The following KIF13B variants were observed in gnomAD, a reference collection of about 807,000 sequenced individuals.
KIF13B encodes the protein kinesin-like protein KIF13B.
In KIF13B, 127 loss-of-function variants were observed where a neutral mutation model predicts 222.0. The observed-to-expected ratio is 0.57, with a 90% CI of 0.50 to 0.66. The LOEUF is 0.66. Ranked by LOEUF, KIF13B falls within the 30% of genes least tolerant of loss-of-function variation. The pLI is 0.00. For missense variants in KIF13B, 2,173 were observed against 2,379.0 expected (o/e 0.91, Z 1.80); for synonymous variants, 976 against 919.0 (o/e 1.06, Z -1.12).
At chr8:29,102,221 C>A (rs903757937) in intron 35 of KIF13B, among the ~76,000 whole-genome samples, 1 of 152,164 alleles carries the variant, frequency 6.6e-6, no homozygotes. Flanking sequence ...CAGGTCTAAA[C>A]GTGAAAGAGT....
At chr8:29,092,597 G>A in intron 37 of KIF13B, 148 bp downstream of exon 37, 2 of 738,556 alleles carry the variant, frequency 2.7e-6, no homozygotes, top group Non-Finnish European at 4.3e-6. Flanking sequence ...GAAGAGAGTG[G>A]CGGAGAAAAG....
At chr8:29,096,784 G>GCCAA (rs1464151605) in intron 36 of KIF13B, among the ~76,000 whole-genome samples, 1 of 152,004 alleles carries the variant, frequency 6.6e-6, no homozygotes, top group Non-Finnish European at 1.5e-5. Flanking sequence ...AGTTAAGGAT[G>GCCAA]CCAAGTAGGG....
intron 2 of KIF13B, chr8:29,218,826 CAA>C (rs1383493381): frequency 2.0e-5 from 3 of 152,240 alleles, no homozygotes; most frequent in Non-Finnish European, 4.4e-5. Flanking sequence ...GCCCTGCACT[CAA>C]GAGACAGCAC....
At chr8:29,130,302 A>G (rs961364383) in intron 24 of KIF13B, among the ~76,000 whole-genome samples, 1 of 152,226 alleles carries the variant, frequency 6.6e-6, no homozygotes, top group Admixed American at 6.5e-5. Context: ...GCTTGAGCCT[A>G]GGAGTTCAAG....
At chr8:29,178,194 C>A (rs911720931) in intron 8 of KIF13B, among the ~76,000 whole-genome samples, 3 of 151,996 alleles carry the variant, frequency 2.0e-5, no homozygotes, top group Non-Finnish European at 2.9e-5. Flanking sequence ...TTATAAGACT[C>A]AAATTTTATT....
chr8:29,203,909 A>AAAAAAGAT (rs1311162039), intron 2 of KIF13B, among the ~76,000 whole-genome samples: 74 of 151,260 alleles, frequency 4.9e-4, no homozygotes, highest in African/African-American at 1.7e-3. Flanking sequence ...AAAAAAAAAA[A>AAAAAAGAT]AAAAAGATAG....
At chr8:29,081,167 G>C (rs1205894563) in intron 37 of KIF13B, among the ~76,000 whole-genome samples, 1 of 152,106 alleles carries the variant, frequency 6.6e-6, no homozygotes, top group East Asian at 1.9e-4. Context: ...CTTAATCACT[G>C]TCAGTGAAAT....
At chr8:29,228,466 T>TAAAAAAAAAA (rs71551621) in intron 2 of KIF13B, among the ~76,000 whole-genome samples, 13 of 68,252 alleles carry the variant, frequency 1.9e-4, no homozygotes, top group Non-Finnish European at 3.3e-4. Context: ...GACTCCATCT[T>TAAAAAAAAAA]AAAAAAATAT....
chr8:29,137,035 T>A (rs546383631), intron 21 of KIF13B, among the ~76,000 whole-genome samples: 1 of 151,854 alleles, frequency 6.6e-6, no homozygotes, highest in African/African-American at 2.4e-5. Flanking sequence ...CTCCTGACCT[T>A]GTGATCCGCC....
chr8:29,182,837 T>C (rs1268419432), intron 6 of KIF13B, among the ~76,000 whole-genome samples: 1 of 152,088 alleles, frequency 6.6e-6, no homozygotes, highest in Non-Finnish European at 1.5e-5. Flanking sequence ...AGCAACATAA[T>C]GTGTATTTCA....
intron 16 of KIF13B, 94 bp downstream of exon 16, chr8:29,148,483 C>A: frequency 1.2e-6 from 1 of 823,322 alleles, no homozygotes; most frequent in South Asian, 2.4e-5. Context: ...AGTCTCAGCT[C>A]ACTGCAGCCT....
chr8:29,209,202 A>G (rs908727338), intron 2 of KIF13B, among the ~76,000 whole-genome samples: 28 of 152,182 alleles, frequency 1.8e-4, no homozygotes. Flanking sequence ...GGAAAACCAG[A>G]TGAGAGGCAC....
chr8:29,126,759 G>T (rs751569616), intron 25 of KIF13B, among the ~76,000 whole-genome samples: 34 of 152,138 alleles, frequency 2.2e-4, no homozygotes, highest in Non-Finnish European at 4.3e-4. Flanking sequence ...TCCCTGCTGG[G>T]TTTATAGTCC....
chr8:29,075,374 G>A (rs374821262), intron 37 of KIF13B, 31 bp from the exon 38 acceptor site: 140 of 1,545,878 alleles, frequency 9.1e-5, no homozygotes, highest in Non-Finnish European at 1.2e-4. Context: ...GTCAGGGGTC[G>A]AGAGGACAGA....
intron 2 of KIF13B, among the ~76,000 whole-genome samples, chr8:29,227,188 T>C (rs1815063488): frequency 6.6e-6 from 1 of 152,232 alleles, no homozygotes; most frequent in Non-Finnish European, 1.5e-5. Flanking sequence ...AAATACTTAT[T>C]TCAATTATAG....
At chr8:29,138,831 A>G (rs1025963614) in intron 21 of KIF13B, among the ~76,000 whole-genome samples, 1 of 152,244 alleles carries the variant, frequency 6.6e-6, no homozygotes, top group Admixed American at 6.5e-5. Context: ...CGAGCATACC[A>G]GGGCCTAAAG....
At chr8:29,262,707 A>AGGGGC (rs1461229604) in intron 1 of KIF13B, among the ~76,000 whole-genome samples, 3 of 126,966 alleles carry the variant, frequency 2.4e-5, no homozygotes, top group East Asian at 4.9e-4. Context: ...AAAAGGGCGC[A>AGGGGC]GGGGCGGGGC....
At chr8:29,139,983 G>T in intron 21 of KIF13B, 80 bp downstream of exon 21, 1 of 1,284,408 alleles carries the variant, frequency 7.8e-7, no homozygotes, top group Non-Finnish European at 1.1e-6. Flanking sequence ...AAGTAATTGT[G>T]ATTTTTGCCA....
At position 29,071,472 on chromosome 8, in the gene KIF13B, G is replaced by A. The variant is rs184171811; in HGVS notation, c.5218+148C>T. 7.3e-6 allele frequency: 5 copies of A among 684,656 alleles called. No homozygotes were observed. Among genetic ancestry groups the A allele is most frequent in the Non-Finnish European group, 1.2e-5 (5 of 404,588 alleles). The allele number at this position is 684,656 out of a possible 1,614,324, so 42.4% of individuals were successfully genotyped here. A position where few individuals can be genotyped will look rare whatever the true frequency, so the allele number is the denominator to read the frequency against. On this transcript the variant is annotated intron_variant, in intron 39 of 39. Coordinates refer to ENST00000524189, the MANE Select transcript of KIF13B (RefSeq NM_015254.4). This position sits in a 1 kb window ranked among gnomAD's most constrained non-coding sequence, Gnocchi z 4.9. ...CCCTGCCCCCAGCCTCACCCCTGCA[G>A]GCCCAGCCGCTCCCGCAGCTTCAGC...
Sources: allele counts gnomAD v4.1 joint callset (sites outside exome capture counted in the v4.1 genomes callset), GRCh38; gene constraint gnomAD v4.1.1; non-coding constraint Gnocchi (gnomAD v3.1); transcripts MANE v1.5; gene names NCBI Gene and HGNC (gene_info 2026-07-23, HGNC 2026-07-21).